Variants in FOXP2 observed in about 807,000 individuals in gnomAD.
FOXP2 encodes forkhead box protein P2.
In FOXP2, 12 loss-of-function variants were observed where a neutral mutation model predicts 115.8. The ratio of observed to expected loss-of-function variants is 0.10; its 90% CI spans 0.07 to 0.17. The LOEUF is 0.17. FOXP2 is among the 10% of genes least tolerant of loss of function. FOXP2 has a pLI of 1.00. For missense variants in FOXP2, 629 were observed against 843.5 expected (o/e 0.75, Z 3.15); for synonymous variants, 328 against 297.7 (o/e 1.10, Z -1.05).
At chr7:114,394,575 A>C (rs555017421) in intron 2 of FOXP2, among the ~76,000 whole-genome samples, 189 of 152,316 alleles carry the variant, frequency 1.2e-3, no homozygotes, top group Non-Finnish European at 2.1e-3. Flanking sequence ...ATATCACTTT[A>C]ATCAAGTGAT....
chr7:114,630,443 T>C (rs1473000509), intron 5 of FOXP2, among the ~76,000 whole-genome samples: 3 of 152,154 alleles, frequency 2.0e-5, no homozygotes, highest in East Asian at 3.9e-4. Context: ...CCCTGATTAA[T>C]GAACTGCTAC....
chr7:114,498,257 G>A (rs1797411209), intron 2 of FOXP2, among the ~76,000 whole-genome samples: 1 of 152,078 alleles, frequency 6.6e-6, no homozygotes, highest in African/African-American at 2.4e-5. Flanking sequence ...TTCATTTACT[G>A]TGTTTAGTTT....
intron 1 of FOXP2, among the ~76,000 whole-genome samples, chr7:114,207,141 T>G (rs1474279895): frequency 2.0e-5 from 3 of 152,244 alleles, no homozygotes; most frequent in Non-Finnish European, 4.4e-5. Context: ...TATCAGTACT[T>G]CATTCCTTTT....
intron 7 of FOXP2, 25 bp from the exon 8 acceptor site, chr7:114,644,660 C>G: frequency 6.3e-7 from 1 of 1,585,064 alleles, no homozygotes; most frequent in African/African-American, 1.3e-5. Flanking sequence ...TGAGATGAAT[C>G]TGACGTCGTG....
At chr7:114,238,473 A>G (rs1255168406) in intron 1 of FOXP2, among the ~76,000 whole-genome samples, 6 of 152,208 alleles carry the variant, frequency 3.9e-5, no homozygotes, top group African/African-American at 1.4e-4. Flanking sequence ...GAGTACTTCT[A>G]TATTTTAAGA....
chr7:114,370,091 T>C (rs1020655594), intron 2 of FOXP2, among the ~76,000 whole-genome samples: 1 of 152,220 alleles, frequency 6.6e-6, no homozygotes, highest in African/African-American at 2.4e-5. Flanking sequence ...GAAAAAAATA[T>C]GTTGCCCTTT....
chr7:114,513,181 G>T (rs1002205685), intron 2 of FOXP2, among the ~76,000 whole-genome samples: 2 of 152,104 alleles, frequency 1.3e-5, no homozygotes, highest in Admixed American at 1.3e-4. Context: ...GAGATTTAAT[G>T]AAATATTCTC....
chr7:114,425,488 C>G (rs1793803789), intron 1 of FOXP2, among the ~76,000 whole-genome samples: 1 of 151,576 alleles, frequency 6.6e-6, no homozygotes. Context: ...CACATTGGTT[C>G]TTTATTTACT....
intron 2 of FOXP2, among the ~76,000 whole-genome samples, chr7:114,299,308 A>T (rs1796822806): frequency 6.6e-6 from 1 of 152,014 alleles, no homozygotes; most frequent in South Asian, 2.1e-4. Context: ...TTGTCATTCC[A>T]ACATCCTTTC....
chr7:114,627,097 G>C (rs1194451459), intron 3 of FOXP2, among the ~76,000 whole-genome samples: 1 of 150,466 alleles, frequency 6.6e-6, no homozygotes, highest in Non-Finnish European at 1.5e-5. Context: ...GATTTATTTA[G>C]TTCTTTATTT....
At chr7:114,482,288 A>ATGGAGGCTTGTAAAGAC (rs1584790514) in intron 2 of FOXP2, among the ~76,000 whole-genome samples, 1 of 151,610 alleles carries the variant, frequency 6.6e-6, no homozygotes, top group East Asian at 1.9e-4. Flanking sequence ...TCTCAGTGTT[A>ATGGAGGCTTGTAAAGAC]TGGAGGCTTG....
Position 114,414,921 on chromosome 7 carries a change from T to G in FOXP2, c.-450T>G. 1 of 382,840 alleles carries G rather than the reference T, an allele frequency of 2.6e-6. No individual in the cohort carries two copies. Among genetic ancestry groups the G allele is most frequent in the Admixed American group, 3.0e-5 (1 of 33,672 alleles). 23.7% of individuals were successfully genotyped at this position (382,840 alleles called of 1,614,324 possible). ...ACACACACTCACACACTCACACACATGCACACACACACATACACACACACA... is the reference window on the plus strand; with the variant it reads ...ACACACACTCACACACTCACACACAGGCACACACACACATACACACACACA... On this transcript the variant is annotated 5_prime_UTR_variant, in exon 1 of 17. It removes an upstream start codon present in the reference 5' UTR. Transcript: ENST00000350908.
chr7:114,371,576 A>G (rs1464630935), intron 2 of FOXP2, among the ~76,000 whole-genome samples: 5 of 152,164 alleles, frequency 3.3e-5, no homozygotes, highest in Admixed American at 1.3e-4. Context: ...CATTTGGATT[A>G]TATTTGTTAT....
intron 1 of FOXP2, among the ~76,000 whole-genome samples, chr7:114,417,136 T>C (rs917339939): frequency 6.6e-6 from 1 of 151,980 alleles, no homozygotes; most frequent in African/African-American, 2.4e-5. Context: ...CATAATTTAA[T>C]ACTCCTATGC....
Position 114,642,808 on chromosome 7 carries a change from A to T in FOXP2, c.989+185A>T, listed in dbSNP as rs1201031849. 0.61 allele frequency among the ~76,000 whole-genome samples: 35,109 copies of T among 57,824 alleles called. 10,458 individuals carry two copies. Among genetic ancestry groups the T allele is most frequent in the East Asian group, 0.78 (2,609 of 3,348 alleles). 37.9% of individuals were successfully genotyped at this position (57,824 alleles called of 152,430 possible). A position where few individuals can be genotyped will look rare whatever the true frequency, so the allele number is the denominator to read the frequency against. ...TATATATATATATATATATATATAT[A>T]TATATTTTTTTTTTTTTTTAGGCAG... On this transcript the variant is annotated intron_variant, in intron 7 of 16. Transcript: ENST00000350908.
chr7:114,259,825 A>G (rs1228649347), intron 1 of FOXP2, among the ~76,000 whole-genome samples: 2 of 152,190 alleles, frequency 1.3e-5, no homozygotes, highest in Non-Finnish European at 2.9e-5. Context: ...CATTTTAGAA[A>G]GATTTCTCTC....
At chr7:114,558,032 C>T (rs1421064527) in intron 3 of FOXP2, among the ~76,000 whole-genome samples, 1 of 152,204 alleles carries the variant, frequency 6.6e-6, no homozygotes, top group East Asian at 1.9e-4. Flanking sequence ...TGGTCTTGAA[C>T]TCCTGACCTC....
chr7:114,454,277 A>G (rs1488754827), intron 2 of FOXP2, among the ~76,000 whole-genome samples: 3 of 152,204 alleles, frequency 2.0e-5, no homozygotes, highest in African/African-American at 4.8e-5. Flanking sequence ...AATGCTCATC[A>G]TCACTGGCCA....
chr7:114,165,773 A>G (rs1792966152), intron 1 of FOXP2, among the ~76,000 whole-genome samples: 1 of 152,172 alleles, frequency 6.6e-6, no homozygotes, highest in Non-Finnish European at 1.5e-5. Context: ...CTAATTCATG[A>G]GTTTATTTGG....
Sources: gnomAD v4.1 joint callset for allele counts (sites outside exome capture counted in the v4.1 genomes callset) on GRCh38, gnomAD v4.1.1 for gene constraint, MANE v1.5 for transcripts, NCBI Gene and HGNC (gene_info 2026-07-23, HGNC 2026-07-21) for gene names.